RUNX2: variants seen among roughly 807,000 people sequenced by gnomAD.
The protein encoded by RUNX2 is runt-related transcription factor 2.
Under a neutral mutation model 51.7 loss-of-function variants are expected in RUNX2, and 10 were observed. That is an observed-to-expected ratio of 0.19 (90% CI 0.12 to 0.33). The LOEUF is 0.33. Ranked by LOEUF, RUNX2 falls within the 10% of genes least tolerant of loss-of-function variation. RUNX2 has a pLI of 1.00. For missense variants in RUNX2, 562 were observed against 691.3 expected (o/e 0.81, Z 2.10); for synonymous variants, 276 against 273.6 (o/e 1.01, Z -0.09).
chr6:45,517,063 C>G (rs186102844), intron 7 of RUNX2, among the ~76,000 whole-genome samples: 8 of 152,054 alleles, frequency 5.3e-5, no homozygotes, highest in Non-Finnish European at 7.4e-5. Flanking sequence ...GGATTTATAC[C>G]TTTCTGATGC....
chr6:45,506,493 G>C (rs1468529248), intron 6 of RUNX2, among the ~76,000 whole-genome samples: 1 of 152,018 alleles, frequency 6.6e-6, no homozygotes, highest in South Asian at 2.1e-4. Flanking sequence ...CAACACCAGA[G>C]GGTTGTTCAT....
At chr6:45,387,298 A>G (rs1290578835) in intron 2 of RUNX2, among the ~76,000 whole-genome samples, 3 of 152,212 alleles carry the variant, frequency 2.0e-5, no homozygotes, top group African/African-American at 4.8e-5. Flanking sequence ...TGGAATATTC[A>G]GGCAAAATAG....
intron 2 of RUNX2, chr6:45,377,550 A>G (rs1259651772): frequency 6.6e-6 from 1 of 152,036 alleles, no homozygotes; most frequent in Non-Finnish European, 1.5e-5. Flanking sequence ...TCGGCAGCGG[A>G]ACCAGGGCGC....
chr6:45,446,899 G>A (rs1799014242), intron 5 of RUNX2, among the ~76,000 whole-genome samples: 1 of 152,210 alleles, frequency 6.6e-6, no homozygotes, highest in South Asian at 2.1e-4. Flanking sequence ...AAGATCATAT[G>A]TAACAGTTAA....
chr6:45,423,447 G>T (rs1189368474), intron 3 of RUNX2, among the ~76,000 whole-genome samples: 1 of 152,124 alleles, frequency 6.6e-6, no homozygotes, highest in African/African-American at 2.4e-5. Flanking sequence ...TCTCTTTGGG[G>T]CTCCGCGCGC....
At chr6:45,516,923 G>A (rs540267483) in intron 7 of RUNX2, among the ~76,000 whole-genome samples, 1 of 152,084 alleles carries the variant, frequency 6.6e-6, no homozygotes, top group Non-Finnish European at 1.5e-5. Context: ...GTCAGAGTAT[G>A]AGTCTCCTAG....
intron 2 of RUNX2, among the ~76,000 whole-genome samples, chr6:45,368,652 G>A (rs1390544276): frequency 6.6e-6 from 1 of 152,026 alleles, no homozygotes; most frequent in Non-Finnish European, 1.5e-5. Flanking sequence ...TCAAAATCTG[G>A]ACTGTGAAAA....
intron 5 of RUNX2, among the ~76,000 whole-genome samples, chr6:45,487,053 G>A (rs925492634): frequency 2.6e-5 from 4 of 152,112 alleles, no homozygotes; most frequent in Non-Finnish European, 4.4e-5. Flanking sequence ...TGAATGCTGT[G>A]ACCTTTTGAT....
chr6:45,372,509 T>A (rs1362750663), intron 2 of RUNX2, among the ~76,000 whole-genome samples: 1 of 152,226 alleles, frequency 6.6e-6, no homozygotes, highest in Non-Finnish European at 1.5e-5. Context: ...AGCATTTAAA[T>A]CAGCAAAAGT....
At chr6:45,542,904 T>C (rs547239334) in intron 7 of RUNX2, among the ~76,000 whole-genome samples, 19 of 152,162 alleles carry the variant, frequency 1.2e-4, no homozygotes, top group Non-Finnish European at 2.5e-4. Flanking sequence ...GATACCAGCT[T>C]TCCTATTTGT....
intron 5 of RUNX2, among the ~76,000 whole-genome samples, chr6:45,488,344 G>T (rs1800346591): frequency 6.6e-6 from 1 of 152,002 alleles, no homozygotes; most frequent in South Asian, 2.1e-4. Context: ...TTGGAGGGGA[G>T]AATAAAAAAT....
At chr6:45,434,395 C>T (rs976536187) in intron 4 of RUNX2, among the ~76,000 whole-genome samples, 1 of 152,006 alleles carries the variant, frequency 6.6e-6, no homozygotes, top group Admixed American at 6.5e-5. Flanking sequence ...TTAAATATTT[C>T]TATTTTCAGT....
At position 45,516,406 on chromosome 6, in the gene RUNX2, G is replaced by A. The variant is rs565228670; in HGVS notation, c.1021+3999G>A. On this transcript the variant is annotated intron_variant, in intron 7 of 8. Transcript: ENST00000647337. Reference sequence around the variant, plus strand: ...AGGTGTATGTTATGGTAATGAGTTTGAATCATATTCAGTTGAATTATAAAA... The same window carrying A: ...AGGTGTATGTTATGGTAATGAGTTTAAATCATATTCAGTTGAATTATAAAA... Among the ~76,000 whole-genome samples the A allele has an allele frequency of 6.6e-5, 10 of 152,306 alleles. No homozygotes were observed. The East Asian group carries it at 1.9e-3, about 29-fold the overall frequency.
At chr6:45,496,013 C>G (rs548555506) in intron 6 of RUNX2, among the ~76,000 whole-genome samples, 2 of 152,108 alleles carry the variant, frequency 1.3e-5, no homozygotes, top group African/African-American at 2.4e-5. Context: ...CCACAGCTTC[C>G]TGGGGAAGTT....
intron 2 of RUNX2, chr6:45,422,054 G>A (rs1046222877): frequency 1.4e-5 from 2 of 147,930 alleles, no homozygotes; most frequent in Non-Finnish European, 3.0e-5. Context: ...GGCGGCGCGG[G>A]AGGGCGGAGG....
chr6:45,434,719 T>C (rs1032618976), intron 4 of RUNX2, among the ~76,000 whole-genome samples: 1 of 152,150 alleles, frequency 6.6e-6, no homozygotes, highest in Non-Finnish European at 1.5e-5. Flanking sequence ...TTTTTTGGTA[T>C]GCTTTCTTTT....
intron 7 of RUNX2, among the ~76,000 whole-genome samples, chr6:45,528,031 C>T (rs1405363042): frequency 6.6e-6 from 1 of 152,156 alleles, no homozygotes; most frequent in African/African-American, 2.4e-5. Context: ...GAGAAAGGCA[C>T]ATCTTACATG....
At chr6:45,396,420 A>G (rs1471553330) in intron 2 of RUNX2, among the ~76,000 whole-genome samples, 1 of 152,146 alleles carries the variant, frequency 6.6e-6, no homozygotes, top group East Asian at 1.9e-4. Context: ...TTATGCTCCC[A>G]TGCCAGCCCT....
chr6:45,402,952 G>A (rs1797747050), intron 2 of RUNX2, among the ~76,000 whole-genome samples: 2 of 151,988 alleles, frequency 1.3e-5, no homozygotes, highest in African/African-American at 4.8e-5. Flanking sequence ...AAACATAAAA[G>A]TATATTTTAA....
Sources: allele counts gnomAD v4.1 joint callset (sites outside exome capture counted in the v4.1 genomes callset), GRCh38; gene constraint gnomAD v4.1.1; transcripts MANE v1.5; gene names NCBI Gene and HGNC (gene_info 2026-07-23, HGNC 2026-07-21).